The following RAP1B variants were observed in gnomAD, a reference collection of about 807,000 sequenced individuals.
The protein encoded by RAP1B is ras-related protein Rap-1b.
Under a neutral mutation model 27.5 loss-of-function variants are expected in RAP1B, and 1 was observed. That is an observed-to-expected ratio of 0.04 (90% CI 0.01 to 0.17). RAP1B has a LOEUF of 0.17. Among genes scored for constraint, RAP1B ranks in the 10% least tolerant of loss-of-function variants. The probability of loss-of-function intolerance (pLI) is 1.00; values close to 1 mark genes in which losing one functional copy is unlikely to be tolerated. For missense variants in RAP1B, 84 were observed against 214.8 expected (o/e 0.39, Z 3.81); for synonymous variants, 75 against 73.1 (o/e 1.03, Z -0.13).
intron 1 of RAP1B, chr12:68,627,195 G>A: frequency 6.5e-7 from 1 of 1,529,182 alleles, no homozygotes; most frequent in Non-Finnish European, 8.9e-7. Flanking sequence ...CCTACACTGG[G>A]GTAGTGCAAG....
intron 1 of RAP1B, among the ~76,000 whole-genome samples, chr12:68,640,180 G>A (rs1434106281): frequency 5.3e-5 from 8 of 152,052 alleles, no homozygotes; most frequent in Non-Finnish European, 1.2e-4. Context: ...AAAGCCTAAT[G>A]GTAGTCTTTT....
intron 1 of RAP1B, among the ~76,000 whole-genome samples, chr12:68,616,533 G>A (rs1871029269): frequency 1.5e-5 from 2 of 135,934 alleles, no homozygotes; most frequent in Admixed American, 8.7e-5. Context: ...TGCAACCTCC[G>A]CCTCCAGGTT....
intron 1 of RAP1B, chr12:68,627,285 G>T: frequency 1.2e-6 from 1 of 865,342 alleles, no homozygotes; most frequent in Non-Finnish European, 1.9e-6. Context: ...CACACAGGCT[G>T]CATACACTAC....
At chr12:68,627,145 C>T in intron 1 of RAP1B, 1 of 1,574,820 alleles carries the variant, frequency 6.3e-7, no homozygotes. Flanking sequence ...GCCACAGTGC[C>T]CTGGGGCTTC....
In RAP1B at chr12:68,666,513, T is replaced by C. The variant is rs945450656; in HGVS notation, c.*7264T>C. 1 of 152,222 alleles carries C rather than the reference T, an allele frequency of 6.6e-6. No homozygotes were observed. Among genetic ancestry groups the C allele is most frequent in the Non-Finnish European group, 1.5e-5 (1 of 68,028 alleles). The allele number at this position is 152,222 out of a possible 1,614,324, so 9.4% of individuals were successfully genotyped here. A position where few individuals can be genotyped will look rare whatever the true frequency, so the allele number is the denominator to read the frequency against. On this transcript the variant is annotated 3_prime_UTR_variant, in exon 8 of 8. Transcript: ENST00000250559. ...TCGGAGAGAACCTGTTCCCATGGCA[T>C]TATGCCACATCACATGTGCCTCTAT...
rs552689640 is a variant in RAP1B at position 68,632,137 on chromosome 12, T to G, written c.-26-16562T>G. Among the ~76,000 whole-genome samples, 10 of 134,440 alleles carry G rather than the reference T, an allele frequency of 7.4e-5. 1 individual carries two copies. The highest frequency in any genetic ancestry group is 2.3e-4 in the South Asian group (1 of 4,426). 88.2% of individuals were successfully genotyped at this position (134,440 alleles called of 152,430 possible). A position where few individuals can be genotyped will look rare whatever the true frequency, so the allele number is the denominator to read the frequency against. ...TTTTGGGTTTTGGATTTGTTTTTTTTTTTTTTTTGTTTGTTTTTTTTTTCC... is the reference window on the plus strand; with the variant it reads ...TTTTGGGTTTTGGATTTGTTTTTTTGTTTTTTTTGTTTGTTTTTTTTTTCC... On this transcript the variant is annotated intron_variant, in intron 1 of 7. Coordinates refer to ENST00000250559, the MANE Select transcript of RAP1B (RefSeq NM_001010942.3).
chr12:68,635,721 C>T (rs1872587288), intron 1 of RAP1B, among the ~76,000 whole-genome samples: 1 of 152,028 alleles, frequency 6.6e-6, no homozygotes. Context: ...TCCCAAAGTG[C>T]TGGGATTACA....
At chr12:68,656,193 T>A (rs1592470017) in intron 5 of RAP1B, 113 bp from the exon 6 acceptor site, 2 of 903,062 alleles carry the variant, frequency 2.2e-6, no homozygotes, top group East Asian at 5.3e-5. Flanking sequence ...TTATTTAATA[T>A]TTTTTGTGGC....
intron 6 of RAP1B, chr12:68,656,758 C>T (rs553972130): frequency 5.0e-5 from 26 of 517,798 alleles, no homozygotes; most frequent in South Asian, 3.7e-4. Context: ...AGTAAAATTC[C>T]GAAAAGTATG....
In RAP1B at chr12:68,663,991, TC is replaced by T. The variant is rs887162686; in HGVS notation, c.*4743del. On this transcript the variant is annotated 3_prime_UTR_variant, in exon 8 of 8. Coordinates refer to ENST00000250559, the MANE Select transcript of RAP1B (RefSeq NM_001010942.3). ...TATAAATTTTTTTATTCATAGGTAATCTAATTTTTCTCATTTCTCCAAAAGG... is the reference window on the plus strand; with the variant it reads ...TATAAATTTTTTTATTCATAGGTAATTAATTTTTCTCATTTCTCCAAAAGG... The T allele has an allele frequency of 6.6e-6, 1 of 152,198 alleles. No individual in the cohort carries two copies. Among genetic ancestry groups the T allele is most frequent in the Non-Finnish European group, 1.5e-5 (1 of 68,032 alleles). 9.4% of individuals were successfully genotyped at this position (152,198 alleles called of 1,614,324 possible).
intron 1 of RAP1B, among the ~76,000 whole-genome samples, chr12:68,644,347 T>C (rs1873239414): frequency 6.6e-6 from 1 of 152,070 alleles, no homozygotes; most frequent in Admixed American, 6.6e-5. Flanking sequence ...TCCCAGCACT[T>C]TGGGAGGCCA....
chr12:68,645,988 G>A (rs1873376239), intron 1 of RAP1B, among the ~76,000 whole-genome samples: 1 of 152,134 alleles, frequency 6.6e-6, no homozygotes, highest in African/African-American at 2.4e-5. Context: ...GTTACTGATA[G>A]ATACAATAAT....
chr12:68,665,427 T>C lies in RAP1B; in HGVS notation c.*6178T>C, dbSNP rs1158657601. 1 of 152,244 alleles carries C rather than the reference T, an allele frequency of 6.6e-6. No individual in the cohort carries two copies. Among genetic ancestry groups the C allele is most frequent in the Non-Finnish European group, 1.5e-5 (1 of 68,060 alleles). 9.4% of individuals were successfully genotyped at this position (152,244 alleles called of 1,614,324 possible). A position where few individuals can be genotyped will look rare whatever the true frequency, so the allele number is the denominator to read the frequency against. The stretch of plus-strand genomic sequence containing the variant: ...ACTGAAACCATGAGTGTGAATGAAA[T>C]TATTTTCGTAAGAATTACTTGGGGT... On this transcript the variant is annotated 3_prime_UTR_variant, in exon 8 of 8. Coordinates refer to ENST00000250559, the MANE Select transcript of RAP1B (RefSeq NM_001010942.3).
At chr12:68,651,678 GTTTA>G (rs982748221) in intron 3 of RAP1B, 10 of 266,556 alleles carry the variant, frequency 3.8e-5, no homozygotes, top group African/African-American at 1.7e-4. Flanking sequence ...GGTTTTGTTT[GTTTA>G]TTTGAGCTAT....
At chr12:68,611,542 C>T (rs1870590778) in intron 1 of RAP1B, among the ~76,000 whole-genome samples, 1 of 152,082 alleles carries the variant, frequency 6.6e-6, no homozygotes, top group Non-Finnish European at 1.5e-5. Context: ...TAGCTTCTCC[C>T]AGCCCCGAGC....
intron 1 of RAP1B, among the ~76,000 whole-genome samples, chr12:68,636,363 G>A (rs1872631575): frequency 6.6e-6 from 1 of 152,200 alleles, no homozygotes; most frequent in African/African-American, 2.4e-5. Flanking sequence ...TTTAACACTA[G>A]AGTTTCTGCT....
intron 1 of RAP1B, among the ~76,000 whole-genome samples, chr12:68,625,642 C>A (rs1871706373): frequency 6.6e-6 from 1 of 152,092 alleles, no homozygotes; most frequent in Admixed American, 6.6e-5. Context: ...TCAGATGAGG[C>A]TGGGTGTGGG....
chr12:68,635,200 G>A (rs1159497116), intron 1 of RAP1B, among the ~76,000 whole-genome samples: 1 of 152,154 alleles, frequency 6.6e-6, no homozygotes, highest in African/African-American at 2.4e-5. Flanking sequence ...GAGGGTAGGA[G>A]AGGCAGTGTT....
chr12:68,638,081 C>T lies in RAP1B; in HGVS notation c.-26-10618C>T, dbSNP rs375815294. On this transcript the variant is annotated intron_variant, in intron 1 of 7. Coordinates refer to ENST00000250559, the MANE Select transcript of RAP1B (RefSeq NM_001010942.3). Reference sequence around the variant, plus strand: ...TGTTTTATCCTGGATAGGATTAAAGCAGTCTTTAAAGGTAATCTGTTGTTG... The same window carrying T: ...TGTTTTATCCTGGATAGGATTAAAGTAGTCTTTAAAGGTAATCTGTTGTTG... Among the ~76,000 whole-genome samples, 4 of 152,116 alleles carry T rather than the reference C, an allele frequency of 2.6e-5. No individual in the cohort carries two copies. In the South Asian group the frequency reaches 8.3e-4, roughly 32 times the overall value.
Sources: gnomAD v4.1 joint callset for allele counts (sites outside exome capture counted in the v4.1 genomes callset) on GRCh38, gnomAD v4.1.1 for gene constraint, MANE v1.5 for transcripts, NCBI Gene and HGNC (gene_info 2026-07-23, HGNC 2026-07-21) for gene names.